ZNF704: variants seen among roughly 807,000 people sequenced by gnomAD.
ZNF704 encodes zinc finger protein 704, also known as glucocorticoid induced gene 1.
Under a neutral mutation model 44.7 loss-of-function variants are expected in ZNF704, and 10 were observed. The ratio of observed to expected loss-of-function variants is 0.22; its 90% CI spans 0.14 to 0.38. The LOEUF is 0.38. Ranked by LOEUF, ZNF704 falls within the 10% of genes least tolerant of loss-of-function variation. The pLI, the probability that ZNF704 is intolerant of heterozygous loss-of-function variation, is 1.00. For synonymous variants in ZNF704, 211 were observed against 207.6 expected, an observed-to-expected ratio of 1.02 and a Z score of -0.14; for missense variants, 390 against 545.5, an observed-to-expected ratio of 0.71 and a Z score of 2.84.
At chr8:80,647,255 G>C (rs1817847765) in intron 7 of ZNF704, among the ~76,000 whole-genome samples, 1 of 151,840 alleles carries the variant, frequency 6.6e-6, no homozygotes, top group African/African-American at 2.4e-5. Flanking sequence ...TAGAAGGAGA[G>C]GACATTTATT....
chr8:80,878,131 ATAG>A (rs1809379938), upstream of ZNF704, among the ~76,000 whole-genome samples: 3 of 152,168 alleles, frequency 2.0e-5, no homozygotes, highest in Admixed American at 2.0e-4. Flanking sequence ...CCCTAAACAC[ATAG>A]TAGCTGGCTG....
intron 2 of ZNF704, among the ~76,000 whole-genome samples, chr8:80,771,710 T>C (rs1348710428): frequency 2.0e-5 from 3 of 152,192 alleles, no homozygotes; most frequent in African/African-American, 7.2e-5. Flanking sequence ...TCTCAACTTA[T>C]TGCACTGGCT....
chr8:80,868,201 G>A (rs1391143448), intron 1 of ZNF704, among the ~76,000 whole-genome samples: 1 of 152,112 alleles, frequency 6.6e-6, no homozygotes, highest in Non-Finnish European at 1.5e-5. Context: ...GGCGCCCAGG[G>A]GTTAGTTGGT....
At chr8:80,866,728 G>A (rs562755245) in intron 1 of ZNF704, among the ~76,000 whole-genome samples, 1 of 152,034 alleles carries the variant, frequency 6.6e-6, no homozygotes. Context: ...GGTTGGGGGG[G>A]GGATACATTA....
intron 1 of ZNF704, among the ~76,000 whole-genome samples, chr8:80,845,290 C>T (rs992509903): frequency 5.9e-5 from 9 of 152,162 alleles, no homozygotes; most frequent in Non-Finnish European, 1.2e-4. Flanking sequence ...CAGATAATTT[C>T]CTGCACTTGC....
intron 2 of ZNF704, among the ~76,000 whole-genome samples, chr8:80,725,469 C>G (rs750955157): frequency 2.6e-5 from 4 of 152,012 alleles, no homozygotes; most frequent in Non-Finnish European, 5.9e-5. Flanking sequence ...GAATTAAGAA[C>G]AAGAAGAACA....
chr8:80,841,769 T>C (rs1025630504), intron 1 of ZNF704, among the ~76,000 whole-genome samples: 1 of 152,128 alleles, frequency 6.6e-6, no homozygotes, highest in Admixed American at 6.6e-5. Context: ...ATTCTATCAA[T>C]AGGTTTAAGT....
intron 4 of ZNF704, among the ~76,000 whole-genome samples, chr8:80,672,306 T>C (rs1368321216): frequency 6.6e-6 from 1 of 152,212 alleles, no homozygotes; most frequent in Non-Finnish European, 1.5e-5. Context: ...AGGATGCATA[T>C]ACACTGGTGA....
rs913519943 is a variant in ZNF704 at position 80,631,548 on chromosome 8, T to C, written c.*9818A>G. ...ATGGAGCCCTCTTGCTCTGTCCTCA[T>C]TGTCCCCTCCTAAGGTGGAACCCAG... On this transcript the variant is annotated 3_prime_UTR_variant, in exon 9 of 9. Transcript: ENST00000327835. The C allele has an allele frequency of 1.3e-5, 2 of 152,260 alleles. No homozygotes were observed. The highest frequency in any genetic ancestry group is 3.2e-3 in the Middle Eastern group (1 of 316). The allele number at this position is 152,260 out of a possible 1,614,324, so 9.4% of individuals were successfully genotyped here.
chr8:80,672,925 TAA>T (rs558048004), intron 4 of ZNF704, among the ~76,000 whole-genome samples: 3 of 147,514 alleles, frequency 2.0e-5, no homozygotes, highest in Non-Finnish European at 4.5e-5. Context: ...AAGTTGAACT[TAA>T]AAAAAAAAAA....
chr8:80,830,114 GA>G (rs765327444), intron 1 of ZNF704, among the ~76,000 whole-genome samples: 1 of 152,144 alleles, frequency 6.6e-6, no homozygotes, highest in Non-Finnish European at 1.5e-5. Flanking sequence ...CAGGAGAGGA[GA>G]GAGTAGAAAG....
At chr8:80,841,658 C>T (rs188651429) in intron 1 of ZNF704, among the ~76,000 whole-genome samples, 2 of 152,270 alleles carry the variant, frequency 1.3e-5, no homozygotes, top group African/African-American at 4.8e-5. Flanking sequence ...AATTTTTAAA[C>T]ATATCATTTA....
chr8:80,871,434 C>A (rs1227947482), intron 1 of ZNF704, among the ~76,000 whole-genome samples: 1 of 152,196 alleles, frequency 6.6e-6, no homozygotes, highest in Non-Finnish European at 1.5e-5. Flanking sequence ...TATCTCAGGT[C>A]AAATGTTCCC....
At chr8:80,787,515 C>T (rs1051105744) in intron 2 of ZNF704, among the ~76,000 whole-genome samples, 2 of 152,130 alleles carry the variant, frequency 1.3e-5, no homozygotes, top group Non-Finnish European at 2.9e-5. Context: ...TTTAAACATG[C>T]ACCTATAGTC....
intron 2 of ZNF704, among the ~76,000 whole-genome samples, chr8:80,751,266 G>A (rs957177413): frequency 1.3e-5 from 2 of 152,088 alleles, no homozygotes; most frequent in African/African-American, 4.8e-5. Flanking sequence ...CCAGCGTGCT[G>A]GTTCTTTCCT....
At chr8:80,674,215 C>T (rs1301901830) in intron 4 of ZNF704, among the ~76,000 whole-genome samples, 2 of 152,136 alleles carry the variant, frequency 1.3e-5, no homozygotes, top group South Asian at 2.1e-4. Context: ...ATGTAAGATG[C>T]GCCAGATGGG....
chr8:80,687,326 C>A lies in ZNF704; in HGVS notation c.458G>T (p.Ser153Ile). The A allele has an allele frequency of 1.2e-6, 2 of 1,612,086 alleles. No homozygotes were observed. Among genetic ancestry groups the A allele is most frequent in the Non-Finnish European group, 8.5e-7 (1 of 1,179,830 alleles). Residue 153 changes from serine (S) to isoleucine (I), a missense_variant, in exon 4 of 9, where the codon AGC (serine) becomes ATC (isoleucine). Transcript: ENST00000327835. ...CGCGGGGCTGCGGAAGGGCTTGAAG[C>A]TGTCAGCCGAGAGCGGCGGCGACGG... Reference protein sequence around the residue: ...STPSPPLSADSFKPFRSPAQP... With the variant: ...STPSPPLSADIFKPFRSPAQP...
At chr8:80,871,125 G>T (rs951678124) in intron 1 of ZNF704, among the ~76,000 whole-genome samples, 1 of 152,176 alleles carries the variant, frequency 6.6e-6, no homozygotes, top group East Asian at 1.9e-4. Flanking sequence ...CCCTCCCTTG[G>T]TCTGTGTAGT....
chr8:80,640,330 G>C lies in ZNF704; in HGVS notation c.*1036C>G, dbSNP rs1389663755. 6.6e-6 allele frequency: 1 copy of C among 152,644 alleles called. No homozygotes were observed. The highest frequency in any genetic ancestry group is 6.5e-5 in the Admixed American group (1 of 15,282). The allele number at this position is 152,644 out of a possible 1,614,324, so 9.5% of individuals were successfully genotyped here. A position where few individuals can be genotyped will look rare whatever the true frequency, so the allele number is the denominator to read the frequency against. ...TTTCTGAACAGGTAGGGCCATGTGG[G>C]CTGTGCTCTGTTGTCTAAAGCAAAC... On this transcript the variant is annotated 3_prime_UTR_variant, in exon 9 of 9. Coordinates refer to ENST00000327835, the MANE Select transcript of ZNF704 (RefSeq NM_001033723.3).
Sources: gnomAD v4.1 joint callset for allele counts (sites outside exome capture counted in the v4.1 genomes callset) on GRCh38, gnomAD v4.1.1 for gene constraint, MANE v1.5 for transcripts, NCBI Gene and HGNC (gene_info 2026-07-23, HGNC 2026-07-21) for gene names.